The following CBLB variants were observed in gnomAD, a reference collection of about 807,000 sequenced individuals.
CBLB encodes E3 ubiquitin-protein ligase CBL-B.
CBLB carries 31 observed loss-of-function variants against 104.9 expected under a neutral mutation model. That is an observed-to-expected ratio of 0.30 (90% confidence interval 0.22 to 0.40). The LOEUF (loss-of-function observed/expected upper bound fraction) is 0.40, where lower values mean the gene tolerates loss of function less well. Among genes scored for constraint, CBLB ranks in the 10% least tolerant of loss-of-function variants. The pLI, the probability that CBLB is intolerant of heterozygous loss-of-function variation, is 1.00. For synonymous variants in CBLB, 440 were observed against 422.6 expected (o/e 1.04, Z -0.51); for missense variants, 1,062 against 1,214.6 (o/e 0.87, Z 1.87).
intron 9 of CBLB, among the ~76,000 whole-genome samples, chr3:105,721,997 A>G (rs1050533151): frequency 6.6e-6 from 1 of 152,050 alleles, no homozygotes; most frequent in Admixed American, 6.5e-5. Flanking sequence ...AAGCTGTGCC[A>G]GCCTGGGCAA....
chr3:105,708,817 A>G (rs918047675), intron 10 of CBLB, among the ~76,000 whole-genome samples: 1 of 152,012 alleles, frequency 6.6e-6, no homozygotes, highest in Non-Finnish European at 1.5e-5. Context: ...ATTTATAAAC[A>G]TTATGTAAAA....
chr3:105,785,925 A>G (rs1230372474), intron 3 of CBLB, among the ~76,000 whole-genome samples: 8 of 152,148 alleles, frequency 5.3e-5, no homozygotes, highest in Non-Finnish European at 7.3e-5. Context: ...GTGCAAGTGC[A>G]TATCAAGTGC....
At chr3:105,730,468 C>T (rs1042878094) in intron 9 of CBLB, among the ~76,000 whole-genome samples, 1 of 152,040 alleles carries the variant, frequency 6.6e-6, no homozygotes, top group Non-Finnish European at 1.5e-5. Flanking sequence ...TTTTCTTTTA[C>T]ATTACCTAGC....
At chr3:105,852,864 T>C (rs1159996961) in intron 3 of CBLB, among the ~76,000 whole-genome samples, 5 of 151,984 alleles carry the variant, frequency 3.3e-5, no homozygotes, top group Admixed American at 3.3e-4. Context: ...ATTACAGGCG[T>C]GTGCCACCAC....
chr3:105,801,450 T>C (rs185110368), intron 3 of CBLB, among the ~76,000 whole-genome samples: 1 of 152,212 alleles, frequency 6.6e-6, no homozygotes, highest in Non-Finnish European at 1.5e-5. Flanking sequence ...AAATGAGTAA[T>C]CCTCTAACAA....
At chr3:105,683,445 T>C (rs2066575061) in intron 14 of CBLB, among the ~76,000 whole-genome samples, 1 of 152,216 alleles carries the variant, frequency 6.6e-6, no homozygotes, top group African/African-American at 2.4e-5. Context: ...ATGATGGTTA[T>C]AATTCAAATT....
rs78786616 is a variant in CBLB at position 105,664,609 on chromosome 3, G to A, written c.2690-5380C>T. Among the ~76,000 whole-genome samples the A allele has an allele frequency of 8.5e-3, 1,299 of 152,066 alleles. 8 individuals are homozygous for A. The highest frequency in any genetic ancestry group is 0.014 in the Non-Finnish European group (918 of 67,984). ...ATTTTCCAATGCGTGTATAATATGC[G>A]CATAATTAGAAAAACCACCACCAAC... On this transcript the variant is annotated intron_variant, in intron 18 of 18. Transcript: ENST00000394030.
intron 6 of CBLB, among the ~76,000 whole-genome samples, chr3:105,743,395 G>A (rs1315925320): frequency 6.6e-6 from 1 of 150,852 alleles, no homozygotes; most frequent in African/African-American, 2.4e-5. Flanking sequence ...AGGAGGTGGA[G>A]CTTACAGTGA....
chr3:105,868,506 T>C, intron 1 of CBLB: 1 of 331,596 alleles, frequency 3.0e-6, no homozygotes, highest in East Asian at 4.7e-5. Flanking sequence ...TGGACGCGCC[T>C]CCCGGCCGCC....
At chr3:105,664,288 A>C (rs2064132596) in intron 18 of CBLB, among the ~76,000 whole-genome samples, 1 of 152,160 alleles carries the variant, frequency 6.6e-6, no homozygotes, top group South Asian at 2.1e-4. Context: ...TTTCTGTTAG[A>C]CTTTCAAAAT....
intron 4 of CBLB, among the ~76,000 whole-genome samples, chr3:105,775,903 C>T (rs549344023): frequency 7.9e-5 from 12 of 152,216 alleles, no homozygotes; most frequent in African/African-American, 2.9e-4. Context: ...GTGCCAGGGC[C>T]TTCTCTCACC....
chr3:105,784,659 T>C (rs1211587041), intron 3 of CBLB, among the ~76,000 whole-genome samples: 1 of 152,170 alleles, frequency 6.6e-6, no homozygotes, highest in Non-Finnish European at 1.5e-5. Flanking sequence ...AACACATGGC[T>C]CAAAAAGACA....
At chr3:105,853,343 T>A in intron 3 of CBLB, 71 bp downstream of exon 3, 1 of 1,503,002 alleles carries the variant, frequency 6.7e-7, no homozygotes, top group South Asian at 1.1e-5. Context: ...ATGGTGACGT[T>A]TAGGTTAACT....
chr3:105,859,658 G>A (rs1410414288), intron 2 of CBLB, among the ~76,000 whole-genome samples: 2 of 26,520 alleles, frequency 7.5e-5, no homozygotes, highest in African/African-American at 1.3e-4. Context: ...GTGAGACTCC[G>A]TGTCAAAAAA....
At chr3:105,801,659 C>T (rs550831967) in intron 3 of CBLB, among the ~76,000 whole-genome samples, 1 of 152,210 alleles carries the variant, frequency 6.6e-6, no homozygotes, top group East Asian at 1.9e-4. Context: ...ACAGGCTGGG[C>T]CTTGCCCACC....
At chr3:105,727,127 C>T (rs2073758991) in intron 9 of CBLB, among the ~76,000 whole-genome samples, 1 of 152,218 alleles carries the variant, frequency 6.6e-6, no homozygotes, top group African/African-American at 2.4e-5. Flanking sequence ...GGAATCACCA[C>T]ACCATCTTCC....
At chr3:105,720,275 T>A in intron 9 of CBLB, 25 bp from the exon 10 acceptor site, 1 of 1,583,216 alleles carries the variant, frequency 6.3e-7, no homozygotes, top group Non-Finnish European at 8.6e-7. Flanking sequence ...AATGCATGGA[T>A]TGGTTTTGTT....
At chr3:105,777,033 A>C (rs1408392680) in intron 3 of CBLB, among the ~76,000 whole-genome samples, 1 of 152,158 alleles carries the variant, frequency 6.6e-6, no homozygotes, top group Non-Finnish European at 1.5e-5. Flanking sequence ...TTCAGGCAGT[A>C]GAAACAGCAT....
At chr3:105,704,200 G>T (rs370356049) in intron 10 of CBLB, 27 bp from the exon 11 acceptor site, 7 of 1,600,820 alleles carry the variant, frequency 4.4e-6, no homozygotes, top group African/African-American at 1.3e-5. Flanking sequence ...GAAAGATGCC[G>T]CTGTTTATTA....
Sources: allele counts gnomAD v4.1 joint callset (sites outside exome capture counted in the v4.1 genomes callset), GRCh38; gene constraint gnomAD v4.1.1; transcripts MANE v1.5; gene names NCBI Gene and HGNC (gene_info 2026-07-23, HGNC 2026-07-21).